The following ANO2 variants were observed in gnomAD, a reference collection of about 807,000 sequenced individuals.
ANO2 encodes the protein anoctamin-2.
ANO2 carries 101 observed loss-of-function variants against 124.2 expected under a neutral mutation model. The ratio of observed to expected loss-of-function variants is 0.81; its 90% confidence interval spans 0.69 to 0.96. The LOEUF (loss-of-function observed/expected upper bound fraction) is 0.96. Ranked by LOEUF, ANO2 falls within the 40% of genes least tolerant of loss-of-function variation. The pLI, the probability that ANO2 is intolerant of heterozygous loss-of-function variation, is 0.00. For synonymous variants in ANO2, 486 were observed against 482.5 expected (o/e 1.01, Z -0.09); for missense variants, 1,293 against 1,274.5 (o/e 1.01, Z -0.22).
chr12:5,895,907 G>C (rs984518551), intron 3 of ANO2, among the ~76,000 whole-genome samples: 1 of 152,016 alleles, frequency 6.6e-6, no homozygotes, highest in Non-Finnish European at 1.5e-5. Flanking sequence ...ACCAATGAGC[G>C]AATAAAGAAA....
intron 4 of ANO2, among the ~76,000 whole-genome samples, chr12:5,837,291 T>TTC (rs1954353131): frequency 1.2e-5 from 1 of 82,596 alleles, no homozygotes; most frequent in Admixed American, 1.2e-4. Flanking sequence ...TGATGCAGAT[T>TTC]TCTTTTTTTT....
chr12:5,577,251 G>A (rs1942464331), intron 22 of ANO2, among the ~76,000 whole-genome samples: 1 of 152,214 alleles, frequency 6.6e-6, no homozygotes. Flanking sequence ...AGGAAATCAG[G>A]TCAGAGTCAA....
rs1947516840 is a variant in ANO2, at chr12:5,662,849, C to T, written c.1546-15048G>A. 2.0e-5 allele frequency among the ~76,000 whole-genome samples: 3 copies of T among 152,020 alleles called. No homozygotes were observed. The South Asian group carries it at 6.2e-4, about 32-fold the overall frequency. ...GGGGCCAGAATAAATGGGATAGGAC[C>T]CCAAAAAAGGCAAGTTGGGTAGGAC... is the stretch of plus-strand genomic sequence containing the variant. On this transcript the variant is annotated intron_variant, in intron 14 of 24. Coordinates refer to ENST00000682330, the MANE Select transcript of ANO2 (RefSeq NM_001364791.2).
chr12:5,778,493 A>C (rs1375999424), intron 10 of ANO2, among the ~76,000 whole-genome samples: 6 of 152,248 alleles, frequency 3.9e-5, no homozygotes, highest in Non-Finnish European at 7.3e-5. Flanking sequence ...CTTGCTGCTG[A>C]TGTTTATACC....
intron 19 of ANO2, among the ~76,000 whole-genome samples, chr12:5,604,487 C>T (rs889132898): frequency 2.0e-5 from 3 of 151,958 alleles, no homozygotes; most frequent in Non-Finnish European, 4.4e-5. Context: ...ATAGAGCGTG[C>T]GTCAGAAAAG....
chr12:5,749,984 T>G (rs1011154164), intron 11 of ANO2, among the ~76,000 whole-genome samples: 3 of 151,944 alleles, frequency 2.0e-5, no homozygotes, highest in African/African-American at 7.3e-5. Flanking sequence ...TAGAGTGCAG[T>G]GGCACAATCA....
At chr12:5,940,126 T>C (rs1050991736) in intron 1 of ANO2, among the ~76,000 whole-genome samples, 9 of 152,150 alleles carry the variant, frequency 5.9e-5, no homozygotes, top group East Asian at 5.8e-4. Context: ...GTGACAGTAG[T>C]TGGCCAACAG....
rs775656094 is a variant in ANO2 at position 5,807,221 on chromosome 12, G to A, written c.948+92C>T. The A allele has an allele frequency of 8.2e-6, 9 of 1,102,838 alleles. No individual in the cohort carries two copies. The South Asian group carries it at 1.3e-4, about 16-fold the overall frequency. The allele number at this position is 1,102,838 out of a possible 1,614,324, so 68.3% of individuals were successfully genotyped here. ...TCATGATTCACTCCTGCCTCACCCT[G>A]CAGGTATTCACCCATCTCACTGCCA... On this transcript the variant is annotated intron_variant, in intron 8 of 24. Transcript: ENST00000682330.
chr12:5,913,114 G>A (rs998757743), intron 3 of ANO2, among the ~76,000 whole-genome samples: 3 of 152,120 alleles, frequency 2.0e-5, no homozygotes, highest in African/African-American at 4.8e-5. Context: ...TGTCCAAGAC[G>A]GAGCAACGGG....
chr12:5,597,253 C>G (rs1238485496), intron 20 of ANO2, among the ~76,000 whole-genome samples: 2 of 152,098 alleles, frequency 1.3e-5, no homozygotes, highest in African/African-American at 4.8e-5. Flanking sequence ...CTCTTCTCAT[C>G]CCCACCCTCT....
At chr12:5,651,643 C>T (rs1299900584) in intron 14 of ANO2, among the ~76,000 whole-genome samples, 1 of 152,118 alleles carries the variant, frequency 6.6e-6, no homozygotes, top group African/African-American at 2.4e-5. Context: ...TTAGTGTTTA[C>T]TTCTGTAAGT....
intron 16 of ANO2, among the ~76,000 whole-genome samples, chr12:5,621,236 C>T (rs371703800): frequency 6.6e-6 from 1 of 152,130 alleles, no homozygotes; most frequent in African/African-American, 2.4e-5. Context: ...TCCAGGCAGA[C>T]CCCAGCTATT....
rs894907690 is a variant in ANO2, at chr12:5,587,167, C to T, written c.2234-8649G>A. Among the ~76,000 whole-genome samples the T allele has an allele frequency of 6.6e-5, 10 of 152,312 alleles. No homozygotes were observed. The South Asian group carries it at 1.2e-3, about 19-fold the overall frequency. On this transcript the variant is annotated intron_variant, in intron 20 of 24. Coordinates refer to ENST00000682330, the MANE Select transcript of ANO2 (RefSeq NM_001364791.2). ...AAACATTCATAGAGCACTTACTGTA[C>T]GCCAGGCCTTGTGGTGAAGTGCTGT...
At chr12:5,627,872 C>T (rs1363351569) in intron 16 of ANO2, among the ~76,000 whole-genome samples, 1 of 152,090 alleles carries the variant, frequency 6.6e-6, no homozygotes, top group Non-Finnish European at 1.5e-5. Flanking sequence ...GCAGGAGAAT[C>T]ACTTGAGCCC....
chr12:5,722,845 G>A (rs777005239), intron 14 of ANO2, among the ~76,000 whole-genome samples: 14 of 152,146 alleles, frequency 9.2e-5, no homozygotes, highest in Non-Finnish European at 1.3e-4. Context: ...TGCTAGCTCC[G>A]GCTGCTTTTA....
At chr12:5,886,758 C>CT (rs557038535) in intron 3 of ANO2, among the ~76,000 whole-genome samples, 17 of 151,732 alleles carry the variant, frequency 1.1e-4, no homozygotes, top group Admixed American at 5.9e-4. Flanking sequence ...CTTAATATAG[C>CT]TTTTTTTTAA....
chr12:5,699,852 C>G (rs1174883651), intron 14 of ANO2, among the ~76,000 whole-genome samples: 3 of 152,172 alleles, frequency 2.0e-5, no homozygotes, highest in Non-Finnish European at 1.5e-5. Context: ...AAGGCCATTA[C>G]CTAATGGTAA....
chr12:5,839,074 A>G (rs1954422672), intron 4 of ANO2, among the ~76,000 whole-genome samples: 1 of 152,254 alleles, frequency 6.6e-6, no homozygotes, highest in Non-Finnish European at 1.5e-5. Flanking sequence ...GATACTGGAC[A>G]TCAGGCAATG....
chr12:5,583,880 TC>T, intron 20 of ANO2: 1 of 201,360 alleles, frequency 5.0e-6, no homozygotes. Context: ...AAGATGGCAT[TC>T]CCATCAAGAG....
Sources: allele counts gnomAD v4.1 joint callset (sites outside exome capture counted in the v4.1 genomes callset), GRCh38; gene constraint gnomAD v4.1.1; transcripts MANE v1.5; gene names NCBI Gene and HGNC (gene_info 2026-07-23, HGNC 2026-07-21).